DLGAP2: variants seen among roughly 807,000 people sequenced by gnomAD.
DLGAP2 encodes the protein DLG associated protein 2.
In DLGAP2, 26 loss-of-function variants were observed where a neutral mutation model predicts 100.3. The ratio of observed to expected loss-of-function variants is 0.26; its 90% CI spans 0.19 to 0.36. DLGAP2 has a LOEUF of 0.36. DLGAP2 is among the 10% of genes least tolerant of loss of function. The pLI is 1.00. For synonymous variants in DLGAP2, 886 were observed against 630.1 expected (o/e 1.41, Z -6.08); for missense variants, 1,858 against 1,453.2 (o/e 1.28, Z -4.53).
chr8:1,553,866 C>T (rs532992456), intron 5 of DLGAP2, among the ~76,000 whole-genome samples: 1 of 152,332 alleles, frequency 6.6e-6, no homozygotes, highest in African/African-American at 2.4e-5. Context: ...GGTACAAAAA[C>T]ACATCTTAAA....
At chr8:1,527,089 C>G (rs1410075159) in intron 4 of DLGAP2, among the ~76,000 whole-genome samples, 1 of 152,162 alleles carries the variant, frequency 6.6e-6, no homozygotes, top group Admixed American at 6.5e-5. Flanking sequence ...CACAAGCCCA[C>G]CCGTTACCAC....
At chr8:1,537,647 G>T (rs1051246506) in intron 4 of DLGAP2, among the ~76,000 whole-genome samples, 1 of 152,034 alleles carries the variant, frequency 6.6e-6, no homozygotes, top group South Asian at 2.1e-4. Flanking sequence ...CTACTGTGGA[G>T]CCTGGAACTC....
rs978244847 is a variant in DLGAP2, at chr8:1,309,137, A to G, written c.106+50254A>G. On this transcript the variant is annotated intron_variant, in intron 3 of 14. Transcript: ENST00000637795. ...CATCGGGCTGATCAGCCTACACATT[A>G]CAAGAGTCTCCGAAAAGGGAAAAGA... 2.0e-5 allele frequency among the ~76,000 whole-genome samples: 3 copies of G among 152,166 alleles called. No homozygotes were observed. The East Asian group carries it at 5.8e-4, about 29-fold the overall frequency.
At chr8:1,498,173 T>C (rs986216325) in intron 3 of DLGAP2, among the ~76,000 whole-genome samples, 5 of 152,176 alleles carry the variant, frequency 3.3e-5, no homozygotes, top group African/African-American at 1.2e-4. Flanking sequence ...TAGAAAGCGA[T>C]GTCTGGGTGA....
intron 2 of DLGAP2, among the ~76,000 whole-genome samples, chr8:1,252,784 A>G (rs751436650): frequency 1.3e-5 from 2 of 152,238 alleles, no homozygotes; most frequent in African/African-American, 2.4e-5. Context: ...TGGTGCCTCC[A>G]GGTGGCTGCT....
chr8:879,222 A>G (rs1164739571), intron 1 of DLGAP2, among the ~76,000 whole-genome samples: 3 of 152,254 alleles, frequency 2.0e-5, no homozygotes, highest in Non-Finnish European at 4.4e-5. Flanking sequence ...AGAGGCACAT[A>G]GATAATTTCC....
intron 1 of DLGAP2, among the ~76,000 whole-genome samples, chr8:867,098 C>T (rs1280734822): frequency 6.6e-6 from 1 of 152,242 alleles, no homozygotes; most frequent in African/African-American, 2.4e-5. Context: ...GATTCGTGTG[C>T]CGCCTACCGG....
At chr8:1,076,161 C>A (rs1039014576) in intron 2 of DLGAP2, among the ~76,000 whole-genome samples, 1 of 152,226 alleles carries the variant, frequency 6.6e-6, no homozygotes, top group Admixed American at 6.5e-5. Context: ...GCAGCACAAG[C>A]TTGCCTGTCC....
intron 2 of DLGAP2, among the ~76,000 whole-genome samples, chr8:1,238,550 G>T (rs189623470): frequency 1.2e-5 from 1 of 82,494 alleles, no homozygotes; most frequent in African/African-American, 5.0e-5. Flanking sequence ...CTCACATGGT[G>T]CCGTGTCTAG....
Position 1,258,843 on chromosome 8 carries a change from G to C in DLGAP2, c.74-8G>C. 8.1e-7 allele frequency: 1 copy of C among 1,231,736 alleles called. No homozygotes were observed. Among genetic ancestry groups the C allele is most frequent in the Non-Finnish European group, 1.0e-6 (1 of 987,986 alleles). The allele number at this position is 1,231,736 out of a possible 1,614,324, so 76.3% of individuals were successfully genotyped here. On this transcript the variant is annotated splice_region_variant and splice_polypyrimidine_tract_variant and intron_variant, in intron 2 of 14. Coordinates refer to ENST00000637795, the MANE Select transcript of DLGAP2 (RefSeq NM_001346810.2). ...GGTGTAACAGCTTCTCTCTGTCTCTGTTTTCAGAGTCGCAGTGCACGCTCT... is the reference window on the plus strand; with the variant it reads ...GGTGTAACAGCTTCTCTCTGTCTCTCTTTTCAGAGTCGCAGTGCACGCTCT...
chr8:1,175,196 A>G (rs1269973464), intron 2 of DLGAP2, among the ~76,000 whole-genome samples: 1 of 152,166 alleles, frequency 6.6e-6, no homozygotes, highest in Non-Finnish European at 1.5e-5. Flanking sequence ...TAAAATTACT[A>G]ACTAGTAACC....
intron 3 of DLGAP2, among the ~76,000 whole-genome samples, chr8:1,387,056 G>T (rs1796237127): frequency 6.6e-6 from 1 of 152,096 alleles, no homozygotes; most frequent in African/African-American, 2.4e-5. Context: ...GAAAAGAGGG[G>T]AACTAGATAA....
chr8:1,372,612 C>G (rs181018855), intron 3 of DLGAP2, among the ~76,000 whole-genome samples: 1 of 152,302 alleles, frequency 6.6e-6, no homozygotes, highest in Admixed American at 6.5e-5. Context: ...GGTGCAAAGA[C>G]TTTAAGCCGC....
chr8:1,189,632 T>A (rs1797590963), intron 2 of DLGAP2, among the ~76,000 whole-genome samples: 1 of 152,344 alleles, frequency 6.6e-6, no homozygotes, highest in Middle Eastern at 3.4e-3. Flanking sequence ...GCAGTTGACG[T>A]GTGACATCCC....
intron 3 of DLGAP2, among the ~76,000 whole-genome samples, chr8:1,413,946 A>G (rs1211137774): frequency 1.3e-5 from 2 of 152,316 alleles, no homozygotes; most frequent in East Asian, 3.9e-4. Context: ...ACTCATCGTA[A>G]GCTGTTCACT....
chr8:1,313,753 A>T (rs998838965), intron 3 of DLGAP2, among the ~76,000 whole-genome samples: 1 of 152,154 alleles, frequency 6.6e-6, no homozygotes, highest in African/African-American at 2.4e-5. Context: ...TTTGAATATC[A>T]GATGTAGGAA....
At chr8:1,141,133 A>T (rs1278076923) in intron 2 of DLGAP2, among the ~76,000 whole-genome samples, 1 of 152,132 alleles carries the variant, frequency 6.6e-6, no homozygotes, top group Non-Finnish European at 1.5e-5. Flanking sequence ...TGCCTGGAAA[A>T]GGCAGCTTTC....
At chr8:1,554,212 T>C (rs1180324911) in intron 5 of DLGAP2, among the ~76,000 whole-genome samples, 4 of 152,084 alleles carry the variant, frequency 2.6e-5, no homozygotes, top group Non-Finnish European at 5.9e-5. Context: ...TGGTTGAACG[T>C]GGGAGGTGGA....
At chr8:1,258,802 TG>T in intron 2 of DLGAP2, 48 bp from the exon 3 acceptor site, 1 of 1,229,560 alleles carries the variant, frequency 8.1e-7, no homozygotes, top group Non-Finnish European at 1.0e-6. Flanking sequence ...TTTAACTGCA[TG>T]GTTGAGACCC....
Sources: allele counts gnomAD v4.1 joint callset (sites outside exome capture counted in the v4.1 genomes callset), GRCh38; gene constraint gnomAD v4.1.1; transcripts MANE v1.5; gene names NCBI Gene and HGNC (gene_info 2026-07-23, HGNC 2026-07-21).